GPC5: variants seen among roughly 807,000 people sequenced by gnomAD.
GPC5 encodes glypican-5.
GPC5 carries 47 observed loss-of-function variants against 53.9 expected under a neutral mutation model. The ratio of observed to expected loss-of-function variants is 0.87; its 90% confidence interval spans 0.69 to 1.11. The LOEUF is 1.11. GPC5 is among the 50% of genes most tolerant of loss of function. The pLI is 0.00. For synonymous variants in GPC5, 286 were observed against 263.3 expected (o/e 1.09, Z -0.84); for missense variants, 748 against 713.1 (o/e 1.05, Z -0.56).
intron 7 of GPC5, among the ~76,000 whole-genome samples, chr13:92,381,866 TATC>T (rs1358854257): frequency 1.5e-5 from 2 of 130,162 alleles, no homozygotes; most frequent in Non-Finnish European, 3.2e-5. Context: ...TGATTATATA[TATC>T]ATATATATGA....
chr13:92,030,305 A>G (rs1398758676), intron 6 of GPC5, among the ~76,000 whole-genome samples: 4 of 152,218 alleles, frequency 2.6e-5, no homozygotes, highest in South Asian at 4.2e-4. Context: ...CTTACCTGTT[A>G]TGTTCTCCAC....
At chr13:91,544,385 G>T (rs190058003) in intron 2 of GPC5, among the ~76,000 whole-genome samples, 4 of 152,184 alleles carry the variant, frequency 2.6e-5, no homozygotes. Context: ...ATATTGTATA[G>T]TGGTTAGAGA....
chr13:92,613,559 CAAT>C (rs1884564737), intron 7 of GPC5, among the ~76,000 whole-genome samples: 3 of 114,220 alleles, frequency 2.6e-5, no homozygotes, highest in South Asian at 4.7e-4. Flanking sequence ...AATTTATATA[CAAT>C]AATATATATA....
intron 7 of GPC5, among the ~76,000 whole-genome samples, chr13:92,205,764 C>T (rs900328282): frequency 5.9e-5 from 9 of 152,094 alleles, no homozygotes; most frequent in South Asian, 2.1e-4. Flanking sequence ...ACAACTATTT[C>T]GGCCAGGCGC....
Position 92,730,507 on chromosome 13 carries a change from A to G in GPC5, c.1562-135775A>G, listed in dbSNP as rs116247745. Among the ~76,000 whole-genome samples, 1,373 of 151,390 alleles carry G rather than the reference A, an allele frequency of 9.1e-3. 21 individuals carry two copies. The highest frequency in any genetic ancestry group is 0.031 in the African/African-American group (1,267 of 41,382). ...TCCTGTTGTCTTCCAGGAGTTTTAT[A>G]ATTTTGCATTTTAAATTTAGGTCTG... On this transcript the variant is annotated intron_variant, in intron 7 of 7. Transcript: ENST00000377067.
intron 1 of GPC5, among the ~76,000 whole-genome samples, chr13:91,438,759 T>G (rs1432284137): frequency 6.6e-6 from 1 of 152,148 alleles, no homozygotes; most frequent in African/African-American, 2.4e-5. Context: ...CCCCCAGAGG[T>G]GGAATCTACA....
intron 6 of GPC5, among the ~76,000 whole-genome samples, chr13:92,033,074 T>C (rs77929696): frequency 0.014 from 2,154 of 148,890 alleles, 49 homozygotes; most frequent in African/African-American, 0.05. Flanking sequence ...TGTGTGTGTG[T>C]GCTTCTCATT....
At chr13:91,558,989 G>A (rs1308998631) in intron 2 of GPC5, among the ~76,000 whole-genome samples, 1 of 151,926 alleles carries the variant, frequency 6.6e-6, no homozygotes, top group Non-Finnish European at 1.5e-5. Flanking sequence ...TCTTTATGGT[G>A]AACACTTACT....
At chr13:92,280,975 G>T (rs1169805951) in intron 7 of GPC5, among the ~76,000 whole-genome samples, 1 of 152,158 alleles carries the variant, frequency 6.6e-6, no homozygotes, top group African/African-American at 2.4e-5. Context: ...AAGTGCGAGG[G>T]GTCAGGGAAT....
chr13:91,779,061 G>A (rs912869942), intron 5 of GPC5, among the ~76,000 whole-genome samples: 3 of 152,196 alleles, frequency 2.0e-5, no homozygotes, highest in Admixed American at 6.5e-5. Context: ...CATGGAGCTT[G>A]CAGGATTGGA....
chr13:92,110,514 A>C (rs1218679018), intron 6 of GPC5, among the ~76,000 whole-genome samples: 2 of 152,114 alleles, frequency 1.3e-5, no homozygotes, highest in Non-Finnish European at 2.9e-5. Context: ...GCATAAGTAA[A>C]ACTTTCTCTA....
At chr13:92,282,705 C>T (rs1303593274) in intron 7 of GPC5, among the ~76,000 whole-genome samples, 2 of 152,118 alleles carry the variant, frequency 1.3e-5, no homozygotes, top group Admixed American at 6.5e-5. Flanking sequence ...GAGATTTTGT[C>T]ACCACCAGGC....
intron 7 of GPC5, among the ~76,000 whole-genome samples, chr13:92,633,360 A>T (rs1456759325): frequency 2.9e-5 from 3 of 101,826 alleles, no homozygotes; most frequent in Non-Finnish European, 3.9e-5. Flanking sequence ...GAATCAGATT[A>T]TCTGAGTCAA....
chr13:91,993,214 C>G (rs1483172668), intron 6 of GPC5, among the ~76,000 whole-genome samples: 4 of 152,142 alleles, frequency 2.6e-5, no homozygotes, highest in Non-Finnish European at 5.9e-5. Flanking sequence ...TTATTTCTAC[C>G]TCTGAATTAT....
intron 4 of GPC5, among the ~76,000 whole-genome samples, chr13:91,730,813 C>T (rs1047809987): frequency 6.6e-6 from 1 of 152,164 alleles, no homozygotes; most frequent in African/African-American, 2.4e-5. Context: ...AAAAAGCACT[C>T]TATCTCTTCC....
At chr13:92,171,904 C>T (rs1056058699) in intron 7 of GPC5, among the ~76,000 whole-genome samples, 1 of 152,196 alleles carries the variant, frequency 6.6e-6, no homozygotes, top group African/African-American at 2.4e-5. Flanking sequence ...TACCATCATT[C>T]AGTCAATTTC....
chr13:92,774,540 A>G (rs896433804), intron 7 of GPC5, among the ~76,000 whole-genome samples: 1 of 152,158 alleles, frequency 6.6e-6, no homozygotes, highest in Non-Finnish European at 1.5e-5. Flanking sequence ...TCCAATCAGA[A>G]TTACGTGTTT....
rs1053523243 is a variant in GPC5, at chr13:91,439,203, G to T, written c.164-9558G>T. On this transcript the variant is annotated intron_variant, in intron 1 of 7. Transcript: ENST00000377067. ...CAGAGATGGTTATACCCAAGGGGGG[G>T]ACATTTAGCAATGTCTAGAGACATT... 3.9e-5 allele frequency among the ~76,000 whole-genome samples: 6 copies of T among 152,336 alleles called. No individual in the cohort carries two copies. In the East Asian group the frequency reaches 1.2e-3, roughly 29 times the overall value.
chr13:91,487,591 G>A (rs1883686973), intron 2 of GPC5, among the ~76,000 whole-genome samples: 1 of 152,088 alleles, frequency 6.6e-6, no homozygotes, highest in South Asian at 2.1e-4. Flanking sequence ...AGTATACCGT[G>A]GTGTTATATT....
Sources: allele counts gnomAD v4.1 joint callset (sites outside exome capture counted in the v4.1 genomes callset), GRCh38; gene constraint gnomAD v4.1.1; transcripts MANE v1.5; gene names NCBI Gene and HGNC (gene_info 2026-07-23, HGNC 2026-07-21).